Variants in MUSK observed in about 807,000 individuals in gnomAD.
MUSK encodes muscle, skeletal receptor tyrosine-protein kinase.
Under a neutral mutation model 88.7 loss-of-function variants are expected in MUSK, and 55 were observed. The observed-to-expected ratio is 0.62, with a 90% CI of 0.50 to 0.78. MUSK has a LOEUF of 0.78. Among genes scored for constraint, MUSK ranks in the 30% least tolerant of loss-of-function variants. The pLI, the probability that MUSK is intolerant of heterozygous loss-of-function variation, is 0.00. For synonymous variants in MUSK, 387 were observed against 391.9 expected, an observed-to-expected ratio of 0.99 and a Z score of 0.15; for missense variants, 1,015 against 1,074.3, an observed-to-expected ratio of 0.94 and a Z score of 0.77.
rs7039933 is a variant in MUSK, at chr9:110,726,410, C to A, written c.629-7841C>A. Among the ~76,000 whole-genome samples, 1,170 of 152,162 alleles carry A rather than the reference C, an allele frequency of 7.7e-3. 11 individuals are homozygous for A. The highest frequency in any genetic ancestry group is 0.027 in the African/African-American group (1,132 of 41,530). On this transcript the variant is annotated intron_variant, in intron 5 of 14. Coordinates refer to ENST00000374448, the MANE Select transcript of MUSK (RefSeq NM_005592.4). ...AATTTCAAAGGAAAATTAATATTATCTAAAATTGAGCCTACGCTCAAAGTA... is the reference window on the plus strand; with the variant it reads ...AATTTCAAAGGAAAATTAATATTATATAAAATTGAGCCTACGCTCAAAGTA...
At chr9:110,777,945 G>C (rs2077695792) in intron 11 of MUSK, among the ~76,000 whole-genome samples, 1 of 152,100 alleles carries the variant, frequency 6.6e-6, no homozygotes, top group Admixed American at 6.5e-5. Flanking sequence ...CTGAAAGTAT[G>C]CTCCTTGAGT....
Position 110,669,672 on chromosome 9 carries a change from T to A in MUSK, c.79+689T>A, listed in dbSNP as rs76680760. On this transcript the variant is annotated intron_variant, in intron 1 of 14. Transcript: ENST00000374448. ...AGAAACTGACAAACACCTGTTGCAG[T>A]AGCAAGAATGTCCAGTGATATAGTT... 9.0e-3 allele frequency among the ~76,000 whole-genome samples: 1,372 copies of A among 152,306 alleles called. 9 individuals are homozygous for A. The highest frequency in any genetic ancestry group is 0.012 in the Non-Finnish European group (831 of 68,022).
rs1156370058 is a variant in MUSK at position 110,802,273 on chromosome 9, T to G, written c.*1285T>G. ...AACTCAGATTCCTGGGGGTTCAGAT[T>G]TTTTCTCAGTGGATCCTCACACAAT... On this transcript the variant is annotated 3_prime_UTR_variant, in exon 15 of 15. Coordinates refer to ENST00000374448, the MANE Select transcript of MUSK (RefSeq NM_005592.4). Among the ~76,000 whole-genome samples, 2 of 152,120 alleles carry G rather than the reference T, an allele frequency of 1.3e-5. No individual in the cohort carries two copies.
At position 110,803,095 on chromosome 9, in the gene MUSK, G is replaced by C. The variant is rs566180521; in HGVS notation, c.*2107G>C. ...CTCTGCAAAATTCAAAGACAGCTTC[G>C]GGCTTTCTCCGCTGATAAAGTTTTG... is the stretch of plus-strand genomic sequence containing the variant. On this transcript the variant is annotated 3_prime_UTR_variant, in exon 15 of 15. Transcript: ENST00000374448. 1.3e-5 allele frequency among the ~76,000 whole-genome samples: 2 copies of C among 152,130 alleles called. No homozygotes were observed. Among genetic ancestry groups the C allele is most frequent in the Admixed American group, 6.5e-5 (1 of 15,272 alleles).
At chr9:110,675,562 C>CTTTTTTTTT in intron 1 of MUSK, among the ~76,000 whole-genome samples, 1 of 61,614 alleles carries the variant, frequency 1.6e-5, no homozygotes, top group Non-Finnish European at 2.8e-5. Context: ...ATAGTCTTCC[C>CTTTTTTTTT]TTTTTTTTTT....
chr9:110,765,533 T>G (rs1286894742), intron 8 of MUSK, among the ~76,000 whole-genome samples: 2 of 152,046 alleles, frequency 1.3e-5, no homozygotes, highest in African/African-American at 4.8e-5. Context: ...CAGTTTTACA[T>G]AACATGGGAC....
intron 14 of MUSK, among the ~76,000 whole-genome samples, chr9:110,789,113 C>T (rs761351676): frequency 2.6e-5 from 4 of 152,220 alleles, no homozygotes; most frequent in Non-Finnish European, 4.4e-5. Context: ...TCAGCCAAGA[C>T]ATGACATGAC....
At chr9:110,702,104 T>G (rs1206613785) in intron 5 of MUSK, among the ~76,000 whole-genome samples, 1 of 151,448 alleles carries the variant, frequency 6.6e-6, no homozygotes, top group African/African-American at 2.4e-5. Flanking sequence ...GATTAAACAC[T>G]ATAGCTCCAG....
intron 5 of MUSK, among the ~76,000 whole-genome samples, chr9:110,730,675 T>C (rs1488781591): frequency 6.6e-6 from 1 of 152,116 alleles, no homozygotes; most frequent in African/African-American, 2.4e-5. Flanking sequence ...CTGACTTTAT[T>C]GTTTACAATG....
intron 1 of MUSK, among the ~76,000 whole-genome samples, chr9:110,674,943 T>C (rs183114059): frequency 7.9e-5 from 12 of 152,234 alleles, no homozygotes; most frequent in Non-Finnish European, 1.6e-4. Flanking sequence ...GTATAATACA[T>C]TTGAATGTAA....
At chr9:110,762,527 T>A (rs2077417259) in intron 8 of MUSK, among the ~76,000 whole-genome samples, 1 of 151,614 alleles carries the variant, frequency 6.6e-6, no homozygotes, top group Non-Finnish European at 1.5e-5. Flanking sequence ...CTTCAAGACA[T>A]CCCCATGGAA....
At chr9:110,768,186 G>A in intron 9 of MUSK, 103 bp downstream of exon 9, 1 of 1,246,374 alleles carries the variant, frequency 8.0e-7, no homozygotes, top group Non-Finnish European at 1.1e-6. Context: ...AAAAGGAAAA[G>A]CTGGTTTTCA....
intron 9 of MUSK, among the ~76,000 whole-genome samples, chr9:110,769,686 A>T (rs2077539828): frequency 6.6e-6 from 1 of 152,132 alleles, no homozygotes; most frequent in Admixed American, 6.6e-5. Context: ...CGTACTGCTC[A>T]ACAGTGAAAA....
chr9:110,685,857 A>G (rs1190328116), intron 2 of MUSK, among the ~76,000 whole-genome samples: 1 of 152,162 alleles, frequency 6.6e-6, no homozygotes, highest in Non-Finnish European at 1.5e-5. Flanking sequence ...TTTTTCTAGC[A>G]TGCTTTTCAA....
intron 5 of MUSK, among the ~76,000 whole-genome samples, chr9:110,712,159 G>GAAAAAAAAA (rs35254603): frequency 4.5e-4 from 64 of 141,878 alleles, no homozygotes; most frequent in Non-Finnish European, 8.3e-4. Context: ...TGTTTATTCT[G>GAAAAAAAAA]AAAAAAAAAA....
At chr9:110,712,796 T>C (rs1254032576) in intron 5 of MUSK, among the ~76,000 whole-genome samples, 1 of 152,232 alleles carries the variant, frequency 6.6e-6, no homozygotes, top group Non-Finnish European at 1.5e-5. Context: ...CTATGTTCTA[T>C]GCAATGAGGT....
At chr9:110,728,705 C>T in intron 5 of MUSK, 2 of 1,583,656 alleles carry the variant, frequency 1.3e-6, no homozygotes, top group Non-Finnish European at 1.7e-6. Flanking sequence ...TGAACCCGAA[C>T]AAGATACTAA....
intron 9 of MUSK, among the ~76,000 whole-genome samples, chr9:110,773,230 A>T (rs1428130684): frequency 1.3e-5 from 2 of 152,102 alleles, no homozygotes; most frequent in Non-Finnish European, 2.9e-5. Context: ...AAAAGAAAAA[A>T]GGAATGCTTT....
intron 6 of MUSK, among the ~76,000 whole-genome samples, chr9:110,739,610 A>G (rs1332050974): frequency 2.6e-5 from 4 of 152,176 alleles, no homozygotes; most frequent in Non-Finnish European, 5.9e-5. Context: ...TCCAAGGGGC[A>G]GAGGTCATCT....
Sources: allele counts gnomAD v4.1 joint callset (sites outside exome capture counted in the v4.1 genomes callset), GRCh38; gene constraint gnomAD v4.1.1; transcripts MANE v1.5; gene names NCBI Gene and HGNC (gene_info 2026-07-23, HGNC 2026-07-21).